The following SREBF1 variants were observed in gnomAD, a reference collection of about 807,000 sequenced individuals.
The protein encoded by SREBF1 is sterol regulatory element-binding protein 1.
Under a neutral mutation model 100.1 loss-of-function variants are expected in SREBF1, and 45 were observed. That is an observed-to-expected ratio of 0.45 (90% confidence interval 0.35 to 0.58). The LOEUF is 0.58. Among genes scored for constraint, SREBF1 ranks in the 20% least tolerant of loss-of-function variants. The pLI is 0.00. For missense variants in SREBF1, 1,324 were observed against 1,539.4 expected (o/e 0.86, Z 2.34); for synonymous variants, 657 against 681.8 (o/e 0.96, Z 0.57).
Position 17,816,561 on chromosome 17 carries a change from CGGCCT to C in SREBF1, c.1938_1942del (p.Ala649GlyfsTer13). The C allele has an allele frequency of 6.2e-7, 1 of 1,604,258 alleles. No homozygotes were observed. Among genetic ancestry groups the C allele is most frequent in the Non-Finnish European group, 8.5e-7 (1 of 1,176,510 alleles). On this transcript the variant is annotated frameshift_variant, in exon 10 of 19. Coordinates refer to ENST00000261646, the MANE Select transcript of SREBF1 (RefSeq NM_004176.5). LOFTEE classifies it high-confidence loss of function. ...ACAGTCCTGCTGCAGGCCCCCTGCC[CGGCCT>C]GCCAGCCAGCGGCCCACCCAGAGAC...
chr17:17,812,058 T>C lies in SREBF1; in HGVS notation c.*564A>G, dbSNP rs1467719369. 4.6e-6 allele frequency: 2 copies of C among 438,308 alleles called. No homozygotes were observed. Among genetic ancestry groups the C allele is most frequent in the Non-Finnish European group, 4.5e-6 (1 of 222,530 alleles). The allele number at this position is 438,308 out of a possible 1,614,324, so 27.2% of individuals were successfully genotyped here. On this transcript the variant is annotated 3_prime_UTR_variant, in exon 19 of 19. Transcript: ENST00000261646. Reference sequence around the variant, plus strand: ...CTCACTAGTCAGCACATCCATCAGCTGAAGACACAAAACCCAGATTATAAA... The same window carrying C: ...CTCACTAGTCAGCACATCCATCAGCCGAAGACACAAAACCCAGATTATAAA...
intron 1 of SREBF1, among the ~76,000 whole-genome samples, chr17:17,830,814 C>T (rs1019809076): frequency 2.0e-5 from 3 of 152,230 alleles, no homozygotes; most frequent in Admixed American, 2.0e-4. Context: ...ACCTCACCCC[C>T]GACACACACA....
intron 11 of SREBF1, 25 bp downstream of exon 11, chr17:17,816,182 G>GCCCCCCCCCCCCCCCCCCCCCCCCC: frequency 2.5e-5 from 2 of 81,144 alleles, no homozygotes; most frequent in South Asian, 9.6e-5. Context: ...GCAGGGATAA[G>GCCCCCCCCCCCCCCCCCCCCCCCCC]CCCCCAGCCC....
chr17:17,816,087 CGAGTCCCAGCTTGGCCTG>C, intron 11 of SREBF1, 59 bp from the exon 12 acceptor site: 1 of 1,592,862 alleles, frequency 6.3e-7, no homozygotes, highest in Non-Finnish European at 8.6e-7. Context: ...GACCCCGGGC[CGAGTCCCAGCTTGGCCTG>C]GAGTCCCCCT....
At chr17:17,813,053 G>A in intron 18 of SREBF1, 1 of 605,802 alleles carries the variant, frequency 1.7e-6, no homozygotes. Context: ...GTGCAGTCAT[G>A]TATCCCACAA....
At position 17,819,147 on chromosome 17, in the gene SREBF1, T is replaced by G. The variant is rs767280978; in HGVS notation, c.934A>C (p.Ser312Arg). Residue 312 changes from serine to arginine, a missense_variant, in exon 5 of 19, where the codon AGC becomes CGC. Coordinates refer to ENST00000261646, the MANE Select transcript of SREBF1 (RefSeq NM_004176.5). ...CTCTGGGCAGAGGCCGGGGCCTTGCTGCCAGCTGCGAGCCGGTTGATAGGC... is the reference window on the plus strand; with the variant it reads ...CTCTGGGCAGAGGCCGGGGCCTTGCGGCCAGCTGCGAGCCGGTTGATAGGC... Reference protein sequence around the residue: ...KLPINRLAAGSKAPASAQSRG... With the variant: ...KLPINRLAAGRKAPASAQSRG... 9 of 1,614,066 alleles carry G rather than the reference T, an allele frequency of 5.6e-6. No individual in the cohort carries two copies. The highest frequency in any genetic ancestry group is 5.9e-6 in the Non-Finnish European group (7 of 1,180,056).
intron 16 of SREBF1, chr17:17,814,024 C>T (rs928852219): frequency 7.7e-6 from 5 of 653,568 alleles, no homozygotes; most frequent in African/African-American, 1.8e-5. Flanking sequence ...ACACCATCCA[C>T]CCCCCTCCTC....
chr17:17,829,205 A>AAAAAAAAAAAAAAAAAATATAT (rs1210718799), intron 1 of SREBF1, among the ~76,000 whole-genome samples: 2 of 65,874 alleles, frequency 3.0e-5, no homozygotes, highest in African/African-American at 1.8e-4. Flanking sequence ...AAAAAAAAAA[A>AAAAAAAAAAAAAAAAAATATAT]ATATATATAT....
At chr17:17,814,561 G>C in intron 15 of SREBF1, 54 bp downstream of exon 15, 3 of 1,536,186 alleles carry the variant, frequency 2.0e-6, no homozygotes, top group Non-Finnish European at 2.6e-6. Flanking sequence ...AGTGCCCAGG[G>C]GATGAGGAAG....
chr17:17,816,205 A>ACCCCCGCCACCCCACCCCC lies in SREBF1; in HGVS notation c.2214+1_2214+2insGGGGGTGGGGTGGCGGGGG. The ACCCCCGCCACCCCACCCCC allele has an allele frequency of 7.1e-6, 8 of 1,123,366 alleles. No individual in the cohort carries two copies. The highest frequency in any genetic ancestry group is 9.1e-6 in the Non-Finnish European group (8 of 883,138). The allele number at this position is 1,123,366 out of a possible 1,614,324, so 69.6% of individuals were successfully genotyped here. On this transcript the variant is annotated splice_donor_variant, in intron 11 of 18. Coordinates refer to ENST00000261646, the MANE Select transcript of SREBF1 (RefSeq NM_004176.5). LOFTEE classifies it high-confidence loss of function. The stretch of plus-strand genomic sequence containing the variant: ...AAGCCCCCAGCCCCCCAACCCACTC[A>ACCCCCGCCACCCCACCCCC]CTGTCAGAAAATGCAAGGCCCGTGG...
intron 1 of SREBF1, among the ~76,000 whole-genome samples, chr17:17,832,767 A>C (rs2034941623): frequency 6.6e-6 from 1 of 151,920 alleles, no homozygotes; most frequent in Non-Finnish European, 1.5e-5. Flanking sequence ...AAAAATACAA[A>C]AAATTAGCCA....
Position 17,829,202 on chromosome 17 carries a change from AAAAAT to A in SREBF1, c.91+7520_91+7524del, listed in dbSNP as rs1490769516. Among the ~76,000 whole-genome samples the A allele has an allele frequency of 2.9e-3, 105 of 36,444 alleles. 1 individual carries two copies. Among genetic ancestry groups the A allele is most frequent in the African/African-American group, 8.2e-3 (95 of 11,600 alleles). The allele number at this position is 36,444 out of a possible 152,430, so 23.9% of individuals were successfully genotyped here. ...ACGAGACTCCATCTTAAAAAAAAAA[AAAAAT>A]ATATATATATATATATATATATATA... On this transcript the variant is annotated intron_variant, in intron 1 of 18. Coordinates refer to ENST00000261646, the MANE Select transcript of SREBF1 (RefSeq NM_004176.5).
chr17:17,812,369 C>G lies in SREBF1; in HGVS notation c.*253G>C. ...GTGCCTGCAGAGCAAGGAGGGGGGCCCCCCAAAATGGCTCGGCCCCTGCAG... is the reference window on the plus strand; with the variant it reads ...GTGCCTGCAGAGCAAGGAGGGGGGCGCCCCAAAATGGCTCGGCCCCTGCAG... On this transcript the variant is annotated 3_prime_UTR_variant, in exon 19 of 19. Coordinates refer to ENST00000261646, the MANE Select transcript of SREBF1 (RefSeq NM_004176.5). The G allele has an allele frequency of 1.7e-6, 1 of 583,418 alleles. No individual in the cohort carries two copies. Among genetic ancestry groups the G allele is most frequent in the Non-Finnish European group, 3.0e-6 (1 of 332,480 alleles). The allele number at this position is 583,418 out of a possible 1,614,324, so 36.1% of individuals were successfully genotyped here.
chr17:17,811,539 G>A lies in SREBF1; in HGVS notation c.*1083C>T, dbSNP rs1159996835. The A allele has an allele frequency of 3.2e-6, 1 of 309,118 alleles. No individual in the cohort carries two copies. The highest frequency in any genetic ancestry group is 6.2e-6 in the Non-Finnish European group (1 of 161,748). 19.1% of individuals were successfully genotyped at this position (309,118 alleles called of 1,614,324 possible). A position where few individuals can be genotyped will look rare whatever the true frequency, so the allele number is the denominator to read the frequency against. ...GAATGGGAATGAAGGGAGGGGCTGG[G>A]GGGGGGGGCATGAATGGAGTCAGGG... On this transcript the variant is annotated 3_prime_UTR_variant, in exon 19 of 19. Transcript: ENST00000261646.
Position 17,824,588 on chromosome 17 carries a change from T to TAC in SREBF1, c.92-4069_92-4068dup, listed in dbSNP as rs145616114. ...TCCCTCTTTTGTCAAAGGTAAAAGTTACACACACACACACACACAAAGTGA... is the reference window on the plus strand; with the variant it reads ...TCCCTCTTTTGTCAAAGGTAAAAGTTACACACACACACACACACACAAAGTGA... On this transcript the variant is annotated intron_variant, in intron 1 of 18. Transcript: ENST00000261646. The surrounding 1 kb of genome is among the most constrained non-coding windows in gnomAD (Gnocchi z 4.2). Among the ~76,000 whole-genome samples, 260 of 150,962 alleles carry TAC rather than the reference T, an allele frequency of 1.7e-3. 1 individual carries two copies. Among genetic ancestry groups the TAC allele is most frequent in the African/African-American group, 3.7e-3 (152 of 41,238 alleles).
chr17:17,817,120 G>A lies in SREBF1; in HGVS notation c.1623C>T (p.Ala541=). 14 of 1,613,154 alleles carry A rather than the reference G, an allele frequency of 8.7e-6. No homozygotes were observed. The highest frequency in any genetic ancestry group is 1.2e-5 in the Non-Finnish European group (14 of 1,179,912). The part of the protein sequence containing the change: ...GTESRDGPGW[A]QWLLPPVVWL... ...AGACCACTGGGGGCAGCAGCCACTGGGCCCAGCCAGGGCCATCTATGGACA... is the reference window on the plus strand; with the variant it reads ...AGACCACTGGGGGCAGCAGCCACTGAGCCCAGCCAGGGCCATCTATGGACA... Residue 541 remains alanine, a synonymous_variant, in exon 9 of 19, where the codon GCC becomes GCT. Coordinates refer to ENST00000261646, the MANE Select transcript of SREBF1 (RefSeq NM_004176.5). This position sits in a 1 kb window ranked among gnomAD's most constrained non-coding sequence, Gnocchi z 6.6.
intron 15 of SREBF1, 97 bp from the exon 16 acceptor site, chr17:17,814,507 A>T: frequency 6.5e-7 from 1 of 1,536,386 alleles, no homozygotes; most frequent in Non-Finnish European, 8.7e-7. Flanking sequence ...TGAGGAAAAA[A>T]GGTGGTGACT....
intron 5 of SREBF1, 87 bp from the exon 6 acceptor site, chr17:17,818,461 G>C (rs187274368): frequency 1.1e-6 from 1 of 937,552 alleles, no homozygotes; most frequent in East Asian, 2.5e-5. Flanking sequence ...AAGGGGGTGC[G>C]GAGCTGCTTT....
intron 1 of SREBF1, 68 bp from the exon 2 acceptor site, chr17:17,820,589 T>C (rs2034029407): frequency 1.3e-6 from 2 of 1,520,168 alleles, no homozygotes; most frequent in Non-Finnish European, 1.8e-6. Context: ...ATCACACACA[T>C]CCAAACACAA....
Sources: gnomAD v4.1 joint callset for allele counts (sites outside exome capture counted in the v4.1 genomes callset) on GRCh38, gnomAD v4.1.1 for gene constraint, Gnocchi (gnomAD v3.1) non-coding constraint, MANE v1.5 for transcripts, NCBI Gene and HGNC (gene_info 2026-07-23, HGNC 2026-07-21) for gene names.